POLR1A: variants seen among roughly 807,000 people sequenced by gnomAD.
POLR1A encodes the protein DNA-directed RNA polymerase I subunit RPA1.
A neutral mutation model predicts 205.3 loss-of-function variants in POLR1A; 84 were observed. The ratio of observed to expected loss-of-function variants is 0.41; its 90% CI spans 0.34 to 0.49. The LOEUF is 0.49. POLR1A is among the 20% of genes least tolerant of loss of function. The probability of loss-of-function intolerance (pLI) is 0.22; values close to 1 mark genes in which losing one functional copy is unlikely to be tolerated. For synonymous variants in POLR1A, 799 were observed against 863.7 expected (o/e 0.93, Z 1.31); for missense variants, 1,645 against 2,204.5 (o/e 0.75, Z 5.08).
At chr2:86,065,560 A>G (rs184352206) in intron 13 of POLR1A, 95 bp from the exon 14 acceptor site, 20 of 1,042,788 alleles carry the variant, frequency 1.9e-5, no homozygotes, top group Non-Finnish European at 2.7e-5. Context: ...CTTTCTATCA[A>G]GAGCCCTTCT....
At chr2:86,061,676 A>G (rs1333778569) in intron 14 of POLR1A, among the ~76,000 whole-genome samples, 1 of 152,274 alleles carries the variant, frequency 6.6e-6, no homozygotes, top group Non-Finnish European at 1.5e-5. Flanking sequence ...GCATATTCAC[A>G]TAATAGAACA....
At position 86,034,961 on chromosome 2, in the gene POLR1A, C is replaced by A. The variant is rs576319276; in HGVS notation, c.4035-1174G>T. 5.9e-5 allele frequency among the ~76,000 whole-genome samples: 9 copies of A among 152,278 alleles called. No individual in the cohort carries two copies. In the South Asian group the frequency reaches 1.9e-3, roughly 32 times the overall value. On this transcript the variant is annotated intron_variant, in intron 27 of 33. Transcript: ENST00000263857. ...CCTCGGCTCACTGCAACCTCCGCCT[C>A]CCGGATTCAAACGATTCTCATGCCT...
At chr2:86,099,894 T>G in intron 2 of POLR1A, 74 bp downstream of exon 2, 1 of 1,276,412 alleles carries the variant, frequency 7.8e-7, no homozygotes, top group South Asian at 1.2e-5. Flanking sequence ...CTTAGACCAC[T>G]CTTGTGGGAG....
intron 14 of POLR1A, among the ~76,000 whole-genome samples, chr2:86,058,271 T>C (rs745563678): frequency 1.1e-4 from 16 of 152,176 alleles, no homozygotes; most frequent in Non-Finnish European, 1.5e-4. Context: ...TGGATAATTT[T>C]TGTATTTTTA....
At chr2:86,091,484 A>G (rs1673606291) in intron 3 of POLR1A, among the ~76,000 whole-genome samples, 1 of 152,172 alleles carries the variant, frequency 6.6e-6, no homozygotes, top group African/African-American at 2.4e-5. Context: ...ACAAGGGGAC[A>G]GGGAAAGGAG....
In POLR1A at chr2:86,070,424, C is replaced by T; in HGVS notation, c.1612-152G>A. ...GGGGAATTTTTCATCTGGAGCAAAA[C>T]CCTGGAAATCTCTGAGAAATACGTC... On this transcript the variant is annotated intron_variant, in intron 12 of 33. Transcript: ENST00000263857. The surrounding 1 kb of genome is among the most constrained non-coding windows in gnomAD (Gnocchi z 4.4). 2.4e-6 allele frequency: 2 copies of T among 816,904 alleles called. No individual in the cohort carries two copies. Among genetic ancestry groups the T allele is most frequent in the Non-Finnish European group, 3.8e-6 (2 of 530,666 alleles). The allele number at this position is 816,904 out of a possible 1,614,324, so 50.6% of individuals were successfully genotyped here. A position where few individuals can be genotyped will look rare whatever the true frequency, so the allele number is the denominator to read the frequency against.
chr2:86,070,882 A>G lies in POLR1A; in HGVS notation c.1612-610T>C, dbSNP rs311575. On this transcript the variant is annotated intron_variant, in intron 12 of 33. Transcript: ENST00000263857. The surrounding 1 kb of genome is among the most constrained non-coding windows in gnomAD (Gnocchi z 4.4). Reference sequence around the variant, plus strand: ...TAAATTGTCATAGTCTTTTGGGAACAGAGTTTGAAAATAGCAATTAAAACA... The same window carrying G: ...TAAATTGTCATAGTCTTTTGGGAACGGAGTTTGAAAATAGCAATTAAAACA... Among the ~76,000 whole-genome samples the G allele has an allele frequency of 1, 151,619 of 152,234 alleles. 75,503 individuals carry two copies. The highest frequency in any genetic ancestry group is 1 in the East Asian group (5,171 of 5,172).
intron 6 of POLR1A, among the ~76,000 whole-genome samples, chr2:86,086,687 A>G (rs879408719): frequency 2.6e-5 from 4 of 151,812 alleles, no homozygotes; most frequent in Non-Finnish European, 5.9e-5. Context: ...TTTTGGTTGC[A>G]CCATCATATT....
At chr2:86,084,307 C>A (rs769822514) in intron 6 of POLR1A, among the ~76,000 whole-genome samples, 82 of 151,660 alleles carry the variant, frequency 5.4e-4, no homozygotes, top group Middle Eastern at 6.8e-3. Flanking sequence ...ATCCCAGCTA[C>A]TAGGGAGGCT....
chr2:86,059,734 T>C (rs1353718616), intron 14 of POLR1A, among the ~76,000 whole-genome samples: 1 of 152,128 alleles, frequency 6.6e-6, no homozygotes, highest in African/African-American at 2.4e-5. Context: ...CCTGGCTAAT[T>C]TTTATATTTT....
At position 86,077,845 on chromosome 2, in the gene POLR1A, ACACACACACAC is replaced by A. The variant is rs1558779817; in HGVS notation, c.1380+3_1380+13del. On this transcript the variant is annotated splice_donor_5th_base_variant and intron_variant, in intron 11 of 33. Coordinates refer to ENST00000263857, the MANE Select transcript of POLR1A (RefSeq NM_015425.6). ...CACACACACACACACACACACACACACACACACACACACCATGGGAATTCCAATTTCGTTGG... is the reference window on the plus strand; with the variant it reads ...CACACACACACACACACACACACACAACCATGGGAATTCCAATTTCGTTGG... The A allele has an allele frequency of 2.0e-6, 3 of 1,523,270 alleles. No homozygotes were observed. The highest frequency in any genetic ancestry group is 2.7e-6 in the Non-Finnish European group (3 of 1,117,486). 94.4% of individuals were successfully genotyped at this position (1,523,270 alleles called of 1,614,324 possible). A position where few individuals can be genotyped will look rare whatever the true frequency, so the allele number is the denominator to read the frequency against.
chr2:86,089,679 G>T (rs1340361576), intron 4 of POLR1A, 143 bp downstream of exon 4: 1 of 618,808 alleles, frequency 1.6e-6, no homozygotes, highest in Non-Finnish European at 2.9e-6. Flanking sequence ...AATTTGTGAG[G>T]TTGCAGGTCT....
At position 86,045,322 on chromosome 2, in the gene POLR1A, C is replaced by G. The variant is rs1489312329; in HGVS notation, c.2925G>C (p.Leu975=). The change falls in exon 21 of 34, where the codon CTG becomes CTC. Residue 975 remains leucine (L), a synonymous_variant. Transcript: ENST00000263857. ...FFHCMAGREG[L]VDTAVKTSRS... is the part of the protein sequence containing the mutation. ...GGCTGGTTTTCACAGCAGTGTCCAC[C>G]AGGCCCTCTCGTCCTGCCATGCAGT... 1.2e-6 allele frequency: 2 copies of G among 1,613,912 alleles called. No homozygotes were observed. The highest frequency in any genetic ancestry group is 2.7e-5 in the African/African-American group (2 of 74,928).
intron 3 of POLR1A, among the ~76,000 whole-genome samples, chr2:86,094,025 A>G (rs1673657434): frequency 6.6e-6 from 1 of 152,222 alleles, no homozygotes; most frequent in Non-Finnish European, 1.5e-5. Flanking sequence ...AGATTCGGCT[A>G]ACACATCTTT....
chr2:86,052,471 G>C (rs1353372593), intron 16 of POLR1A, among the ~76,000 whole-genome samples: 1 of 152,252 alleles, frequency 6.6e-6, no homozygotes. Flanking sequence ...CTGTGGAGGA[G>C]AGGGGTGGCC....
chr2:86,041,792 G>A (rs1672614757), intron 24 of POLR1A, 97 bp downstream of exon 24: 3 of 1,038,216 alleles, frequency 2.9e-6, no homozygotes, highest in South Asian at 2.6e-5. Flanking sequence ...AACCCAGGAG[G>A]CAGCCCTCTT....
chr2:86,049,648 A>G lies in POLR1A; in HGVS notation c.2393-406T>C, dbSNP rs184042277. Among the ~76,000 whole-genome samples, 158 of 152,324 alleles carry G rather than the reference A, an allele frequency of 1.0e-3. 1 individual carries two copies. The highest frequency in any genetic ancestry group is 1.7e-3 in the South Asian group (8 of 4,824). ...AAGATAAGCTCAGGGAAAAAGAGAG[A>G]GAGAACATCTCAGTCTGGGGTCCCA... On this transcript the variant is annotated intron_variant, in intron 16 of 33. Coordinates refer to ENST00000263857, the MANE Select transcript of POLR1A (RefSeq NM_015425.6).
chr2:86,085,727 C>T (rs1347314516), intron 6 of POLR1A, among the ~76,000 whole-genome samples: 1 of 152,198 alleles, frequency 6.6e-6, no homozygotes, highest in South Asian at 2.1e-4. Context: ...TCCTCACATG[C>T]GCTGCATCCC....
intron 11 of POLR1A, among the ~76,000 whole-genome samples, chr2:86,076,093 T>C (rs1018570527): frequency 1.3e-5 from 2 of 152,208 alleles, no homozygotes; most frequent in Non-Finnish European, 1.5e-5. Context: ...GAAAATGCAG[T>C]GTGCTGTGTT....
Sources: gnomAD v4.1 joint callset for allele counts (sites outside exome capture counted in the v4.1 genomes callset) on GRCh38, gnomAD v4.1.1 for gene constraint, Gnocchi (gnomAD v3.1) non-coding constraint, MANE v1.5 for transcripts, NCBI Gene and HGNC (gene_info 2026-07-23, HGNC 2026-07-21) for gene names.